The following ACOX1 variants were observed in gnomAD, a reference collection of about 807,000 sequenced individuals.
The protein encoded by ACOX1 is acyl-CoA oxidase 1.
Under a neutral mutation model 75.5 loss-of-function variants are expected in ACOX1, and 41 were observed. The observed-to-expected ratio is 0.54, with a 90% CI of 0.42 to 0.70. The LOEUF (loss-of-function observed/expected upper bound fraction) is 0.70. Ranked by LOEUF, ACOX1 falls within the 30% of genes least tolerant of loss-of-function variation. The pLI is 0.00. For synonymous variants in ACOX1, 303 were observed against 298.8 expected (o/e 1.01, Z -0.15); for missense variants, 630 against 837.5 (o/e 0.75, Z 3.06).
intron 4 of ACOX1, among the ~76,000 whole-genome samples, chr17:75,956,933 C>CTG (rs2065830712): frequency 3.7e-5 from 1 of 26,818 alleles, no homozygotes; most frequent in Non-Finnish European, 5.8e-5. Context: ...CTCTCTCTCT[C>CTG]TCTCTCTCTC....
chr17:75,970,639 C>G (rs1213670194), intron 2 of ACOX1, among the ~76,000 whole-genome samples: 1 of 152,174 alleles, frequency 6.6e-6, no homozygotes, highest in East Asian at 1.9e-4. Context: ...AGCAGCTACC[C>G]AGAAGTGAAA....
chr17:75,954,206 ACT>A (rs377454871), intron 6 of ACOX1, among the ~76,000 whole-genome samples: 3,464 of 121,222 alleles, frequency 0.029, 158 homozygotes, highest in African/African-American at 0.1. Flanking sequence ...ACAGAGCAAG[ACT>A]CTGTCTCAAA....
chr17:75,968,496 C>T (rs2065961780), intron 2 of ACOX1, among the ~76,000 whole-genome samples: 2 of 142,198 alleles, frequency 1.4e-5, no homozygotes, highest in Non-Finnish European at 3.0e-5. Flanking sequence ...GTACCAGCTA[C>T]TCAGGGGGCT....
chr17:75,949,866 A>C lies in ACOX1; in HGVS notation c.1330T>G (p.Ser444Ala). The C allele has an allele frequency of 6.2e-7, 1 of 1,614,224 alleles. No homozygotes were observed. Among genetic ancestry groups the C allele is most frequent in the Non-Finnish European group, 8.5e-7 (1 of 1,180,034 alleles). ...ACCATGCCACACACCAACTTTCCTG[A>C]GTGCACCTGATCATAACTTTTCATC... ...FLMKSYDQVHSGKLVCGMVSY... is the reference protein window; with the variant it reads ...FLMKSYDQVHAGKLVCGMVSY... The change falls in exon 10 of 14, where the codon TCA (serine) becomes GCA (alanine). Residue 444 changes from serine to alanine, a missense_variant. Physicochemically the swap from Ser to Ala is moderately conservative, Grantham distance 99 (BLOSUM62 1). Coordinates refer to ENST00000293217, the MANE Select transcript of ACOX1 (RefSeq NM_004035.7).
chr17:75,958,473 C>T (rs1383408122), intron 3 of ACOX1, among the ~76,000 whole-genome samples: 5 of 147,642 alleles, frequency 3.4e-5, no homozygotes, highest in Admixed American at 3.3e-4. Context: ...TTGAGACCAT[C>T]CTGGCTAAAG....
rs1000832469 is a variant in ACOX1 at position 75,948,785 on chromosome 17, C to A, written c.1729-328G>T. 2.0e-5 allele frequency among the ~76,000 whole-genome samples: 3 copies of A among 151,820 alleles called. No individual in the cohort carries two copies. In the South Asian group the frequency reaches 6.2e-4, roughly 31 times the overall value. On this transcript the variant is annotated intron_variant, in intron 12 of 13. Transcript: ENST00000293217. The stretch of plus-strand genomic sequence containing the variant: ...GTCAGGCTGGTCTCGAACTCCCGAC[C>A]TCAGGTGATCTGCCCGCCTTGGCCA...
chr17:75,953,177 ATAT>A (rs1281453354), intron 7 of ACOX1: 5 of 355,456 alleles, frequency 1.4e-5, no homozygotes, highest in Non-Finnish European at 2.7e-5. Flanking sequence ...AGTTCAAGTA[ATAT>A]TATTACTATT....
rs2065945594 is a variant in ACOX1 at position 75,967,637 on chromosome 17, T to TATATATACGTATATATATACATAC, written c.270-7286_270-7263dup. ...ATACATACATATATATATACATACATATATATACGTATATATATACATACA... is the reference window on the plus strand; with the variant it reads ...ATACATACATATATATATACATACATATATATACGTATATATATACATACATATATACGTATATATATACATACA... On this transcript the variant is annotated intron_variant, in intron 2 of 13. Transcript: ENST00000293217. 7.7e-5 allele frequency among the ~76,000 whole-genome samples: 11 copies of TATATATACGTATATATATACATAC among 142,980 alleles called. No individual in the cohort carries two copies. In the Admixed American group the frequency reaches 8.0e-4, roughly 10 times the overall value. 93.8% of individuals were successfully genotyped at this position (142,980 alleles called of 152,430 possible). A position where few individuals can be genotyped will look rare whatever the true frequency, so the allele number is the denominator to read the frequency against.
intron 4 of ACOX1, 85 bp downstream of exon 4, chr17:75,957,371 CCGA>C: frequency 8.1e-7 from 1 of 1,230,226 alleles, no homozygotes; most frequent in East Asian, 2.3e-5. Flanking sequence ...CCAAGTCTGG[CCGA>C]CATTATCATA....
chr17:75,976,205 G>C (rs970259059), intron 2 of ACOX1, among the ~76,000 whole-genome samples: 4 of 152,160 alleles, frequency 2.6e-5, no homozygotes, highest in African/African-American at 9.7e-5. Context: ...GTGTCAAAGG[G>C]TGTGTTAAAG....
At chr17:75,947,049 T>C (rs2065727145) in intron 13 of ACOX1, among the ~76,000 whole-genome samples, 1 of 151,780 alleles carries the variant, frequency 6.6e-6, no homozygotes, top group Non-Finnish European at 1.5e-5. Flanking sequence ...TTGTATTTTT[T>C]TGTAGAGATG....
chr17:75,964,847 CTCTT>C (rs2065916084), intron 2 of ACOX1, among the ~76,000 whole-genome samples: 2 of 152,176 alleles, frequency 1.3e-5, no homozygotes, highest in South Asian at 4.1e-4. Context: ...TCCCCAGCCT[CTCTT>C]TCCACATGAT....
intron 12 of ACOX1, among the ~76,000 whole-genome samples, chr17:75,948,799 C>T (rs1028748267): frequency 3.3e-5 from 5 of 151,926 alleles, no homozygotes; most frequent in Non-Finnish European, 4.4e-5. Flanking sequence ...GGTGATCTGC[C>T]CGCCTTGGCC....
Position 75,958,223 on chromosome 17 carries a change from T to G in ACOX1, c.431-657A>C, listed in dbSNP as rs538859992. ...AAAAAATTAGCCAGGCATTGTGGCA[T>G]GCGCCTGTAGTCCCAGCTACTAAGG... On this transcript the variant is annotated intron_variant, in intron 3 of 13. Transcript: ENST00000293217. 1.6e-3 allele frequency among the ~76,000 whole-genome samples: 240 copies of G among 147,692 alleles called. 3 individuals are homozygous for G. Among genetic ancestry groups the G allele is most frequent in the South Asian group, 4.0e-3 (19 of 4,730 alleles).
In ACOX1 at chr17:75,960,393, G is replaced by A. The variant is rs772837299; in HGVS notation, c.270-18C>T. On this transcript the variant is annotated intron_variant, in intron 2 of 13. Coordinates refer to ENST00000293217, the MANE Select transcript of ACOX1 (RefSeq NM_004035.7). The surrounding 1 kb of genome is among the most constrained non-coding windows in gnomAD (Gnocchi z 4.4). ...GCACAAAACTTCGAGGAAATATCAA[G>A]GATGGGCATTTGAGAGAAGAGTCAT... 4 of 1,612,080 alleles carry A rather than the reference G, an allele frequency of 2.5e-6. No homozygotes were observed. The Admixed American group carries it at 6.7e-5, about 27-fold the overall frequency.
intron 4 of ACOX1, 95 bp downstream of exon 4, chr17:75,957,364 A>T: frequency 8.7e-7 from 1 of 1,148,204 alleles, no homozygotes; most frequent in Non-Finnish European, 1.3e-6. Flanking sequence ...TTCACCACCA[A>T]GTCTGGCCGA....
chr17:75,975,873 GAA>G (rs1491291039), intron 2 of ACOX1, among the ~76,000 whole-genome samples: 5 of 147,008 alleles, frequency 3.4e-5, no homozygotes, highest in African/African-American at 1.3e-4. Context: ...GAGAGAGAGA[GAA>G]AGAAAGAGAG....
intron 2 of ACOX1, among the ~76,000 whole-genome samples, chr17:75,966,898 A>G (rs2065937737): frequency 6.6e-6 from 1 of 152,148 alleles, no homozygotes. Context: ...GGTTCCAGAA[A>G]TAAATTTAAC....
intron 2 of ACOX1, among the ~76,000 whole-genome samples, chr17:75,976,521 TAGG>T (rs2066051787): frequency 6.6e-6 from 1 of 152,170 alleles, no homozygotes; most frequent in Non-Finnish European, 1.5e-5. Context: ...CATAATCTTC[TAGG>T]AGGAGTTACT....
Sources: gnomAD v4.1 joint callset for allele counts (sites outside exome capture counted in the v4.1 genomes callset) on GRCh38, gnomAD v4.1.1 for gene constraint, Gnocchi (gnomAD v3.1) non-coding constraint, MANE v1.5 for transcripts, NCBI Gene and HGNC (gene_info 2026-07-23, HGNC 2026-07-21) for gene names.